Variants in ITGB6 observed in about 807,000 individuals in gnomAD.
ITGB6 encodes the protein integrin beta-6.
Under a neutral mutation model 84.5 loss-of-function variants are expected in ITGB6, and 80 were observed. The ratio of observed to expected loss-of-function variants is 0.95; its 90% CI spans 0.79 to 1.14. The LOEUF is 1.14. Among genes scored for constraint, ITGB6 ranks in the 50% most tolerant of loss-of-function variants. The probability of loss-of-function intolerance (pLI) is 0.00; values close to 1 mark genes in which losing one functional copy is unlikely to be tolerated. For missense variants in ITGB6, 1,006 were observed against 968.0 expected (o/e 1.04, Z -0.52); for synonymous variants, 383 against 354.9 (o/e 1.08, Z -0.89).
chr2:160,145,798 G>A (rs1684164292), intron 7 of ITGB6, among the ~76,000 whole-genome samples: 1 of 152,178 alleles, frequency 6.6e-6, no homozygotes, highest in Non-Finnish European at 1.5e-5. Flanking sequence ...TGAGGACCTT[G>A]CAGAGCCTCT....
chr2:160,129,845 T>C (rs1457236026), intron 10 of ITGB6, among the ~76,000 whole-genome samples: 6 of 152,056 alleles, frequency 3.9e-5, no homozygotes, highest in Non-Finnish European at 1.5e-5. Context: ...CAAACAAAGA[T>C]GATAGACACA....
intron 4 of ITGB6, 146 bp downstream of exon 4, chr2:160,195,223 C>T (rs559774455): frequency 4.0e-6 from 4 of 1,012,160 alleles, no homozygotes; most frequent in Non-Finnish European, 2.9e-6. Context: ...TCTAAGCAAC[C>T]TAGGCCTCTG....
At chr2:160,113,827 T>C (rs2105782536) in intron 12 of ITGB6, among the ~76,000 whole-genome samples, 1 of 152,324 alleles carries the variant, frequency 6.6e-6, no homozygotes, top group South Asian at 2.1e-4. Context: ...ACGTTGGCCA[T>C]TTTATTTGGC....
At chr2:160,110,947 T>G (rs2105778584) in intron 13 of ITGB6, among the ~76,000 whole-genome samples, 1 of 152,282 alleles carries the variant, frequency 6.6e-6, no homozygotes, top group East Asian at 1.9e-4. Context: ...TCCGGGAGGT[T>G]ATGTTTCCCC....
At chr2:160,191,307 C>T (rs1258258956) in intron 4 of ITGB6, among the ~76,000 whole-genome samples, 2 of 152,094 alleles carry the variant, frequency 1.3e-5, no homozygotes, top group African/African-American at 4.8e-5. Context: ...TTTCTTTCTT[C>T]CCTAATAACA....
intron 7 of ITGB6, among the ~76,000 whole-genome samples, chr2:160,150,738 C>T (rs1684382264): frequency 6.6e-6 from 1 of 151,600 alleles, no homozygotes; most frequent in Non-Finnish European, 1.5e-5. Flanking sequence ...CATATAGGCT[C>T]AAAATAAAGG....
chr2:160,193,105 T>C (rs556993800), intron 4 of ITGB6, among the ~76,000 whole-genome samples: 7 of 152,296 alleles, frequency 4.6e-5, no homozygotes, highest in African/African-American at 1.7e-4. Flanking sequence ...AGAAGTACCA[T>C]ACAGTTCAGC....
rs570810791 is a variant in ITGB6 at position 160,137,664 on chromosome 2, C to G, written c.1430G>C (p.Gly477Ala). The G allele has an allele frequency of 1.1e-5, 17 of 1,614,212 alleles. No homozygotes were observed. In the South Asian group the frequency reaches 1.6e-4, roughly 16 times the overall value. Residue 477 changes from glycine to alanine, a missense_variant, in exon 10 of 15, where the codon GGG becomes GCG. Coordinates refer to ENST00000283249, the MANE Select transcript of ITGB6 (RefSeq NM_000888.5). ...CHHGNGSFQCGVCACHPGHMG... is the reference protein window; with the variant it reads ...CHHGNGSFQCAVCACHPGHMG... Reference sequence around the variant, plus strand: ...GTGGCCAGGGTGGCAGGCACACACCCCACACTGGAAAGAGCCGTTCCCGTG... The same window carrying G: ...GTGGCCAGGGTGGCAGGCACACACCGCACACTGGAAAGAGCCGTTCCCGTG...
chr2:160,139,105 G>A (rs1193968000), intron 8 of ITGB6, among the ~76,000 whole-genome samples: 1 of 152,146 alleles, frequency 6.6e-6, no homozygotes, highest in Admixed American at 6.5e-5. Flanking sequence ...CTTTCCTCAA[G>A]AAGTTTATCA....
intron 12 of ITGB6, 96 bp from the exon 13 acceptor site, chr2:160,112,295 G>T: frequency 8.8e-7 from 1 of 1,139,584 alleles, no homozygotes; most frequent in Non-Finnish European, 1.3e-6. Context: ...GTAAATTAGA[G>T]TTTTCAATAT....
At chr2:160,103,137 C>T (rs1032032405) in intron 14 of ITGB6, among the ~76,000 whole-genome samples, 6 of 152,214 alleles carry the variant, frequency 3.9e-5, no homozygotes, top group Admixed American at 6.5e-5. Flanking sequence ...TTGATCACCT[C>T]ATTCCATGAA....
Position 160,174,056 on chromosome 2 carries a change from AT to A in ITGB6, c.676del (p.Ile226LeufsTer2), listed in dbSNP as rs1179156887. Reference protein sequence around the residue: ...LTNDAERFNEIVKNQKISANI... With the variant: ...LTNDAERFNEXVKNQKISANI... The stretch of plus-strand genomic sequence containing the variant: ...AGCAGAAATTTTCTGATTCTTCACA[AT>A]TTCATTGAATCTTTCAGCATCATTT... On this transcript the variant is annotated frameshift_variant, in exon 5 of 15. Transcript: ENST00000283249. LOFTEE classifies it high-confidence loss of function. 1.2e-6 allele frequency: 2 copies of A among 1,612,912 alleles called. No homozygotes were observed. Among genetic ancestry groups the A allele is most frequent in the African/African-American group, 2.7e-5 (2 of 74,912 alleles).
intron 12 of ITGB6, among the ~76,000 whole-genome samples, chr2:160,120,316 A>G (rs1201991788): frequency 8.6e-6 from 1 of 116,860 alleles, no homozygotes; most frequent in Admixed American, 1.0e-4. Flanking sequence ...GCACATATAC[A>G]CCATGGAATA....
intron 4 of ITGB6, among the ~76,000 whole-genome samples, chr2:160,178,066 G>A (rs1685502544): frequency 1.3e-5 from 2 of 152,104 alleles, no homozygotes; most frequent in South Asian, 4.1e-4. Context: ...GTAGAGATGG[G>A]GTTTTACCAT....
At chr2:160,172,092 A>G (rs978518487) in intron 6 of ITGB6, among the ~76,000 whole-genome samples, 3 of 152,364 alleles carry the variant, frequency 2.0e-5, no homozygotes, top group African/African-American at 7.2e-5. Context: ...GAATGTCACT[A>G]GCATTTTATA....
intron 2 of ITGB6, among the ~76,000 whole-genome samples, chr2:160,198,190 A>G (rs769203775): frequency 4.6e-5 from 7 of 152,208 alleles, no homozygotes; most frequent in Non-Finnish European, 7.3e-5. Context: ...GCTTTGATAC[A>G]GGAACTAAAA....
chr2:160,165,927 G>A (rs908850833), intron 7 of ITGB6, among the ~76,000 whole-genome samples: 4 of 152,216 alleles, frequency 2.6e-5, no homozygotes, highest in Non-Finnish European at 4.4e-5. Flanking sequence ...CTTAACAAGT[G>A]CTTGTCACGC....
Position 160,107,692 on chromosome 2 carries a change from G to A in ITGB6, c.2255C>T (p.Ala752Val). 6.2e-7 allele frequency: 1 copy of A among 1,613,870 alleles called. No homozygotes were observed. Among genetic ancestry groups the A allele is most frequent in the Non-Finnish European group, 8.5e-7 (1 of 1,179,844 alleles). ...VAKFEAERSK[A>V]KWQTGTNPLY... is the part of the protein sequence containing the mutation. The stretch of plus-strand genomic sequence containing the variant: ...GTTTCCACATACCGTTTGCCACTTG[G>A]CTTTTGATCGTTCTGCTTCAAATTT... The change falls in exon 14 of 15, where the codon GCC becomes GTC. Residue 752 changes from alanine (A) to valine (V), a missense_variant. Ala to Val is a moderately conservative substitution (Grantham distance 64). Coordinates refer to ENST00000283249, the MANE Select transcript of ITGB6 (RefSeq NM_000888.5).
intron 4 of ITGB6, among the ~76,000 whole-genome samples, chr2:160,185,119 G>A (rs1161980510): frequency 6.6e-6 from 1 of 152,196 alleles, no homozygotes; most frequent in Admixed American, 6.5e-5. Flanking sequence ...GGTATTGGAA[G>A]TTTTGGCCAG....
Sources: gnomAD v4.1 joint callset for allele counts (sites outside exome capture counted in the v4.1 genomes callset) on GRCh38, gnomAD v4.1.1 for gene constraint, MANE v1.5 for transcripts, NCBI Gene and HGNC (gene_info 2026-07-23, HGNC 2026-07-21) for gene names.